The following NWD2 variants were observed in gnomAD, a reference collection of about 807,000 sequenced individuals.
NWD2 encodes the protein NACHT and WD repeat domain containing 2.
In NWD2, 37 loss-of-function variants were observed where a neutral mutation model predicts 132.7. The observed-to-expected ratio is 0.28, with a 90% CI of 0.21 to 0.37. NWD2 has a LOEUF of 0.37. Ranked by LOEUF, NWD2 falls within the 10% of genes least tolerant of loss-of-function variation. The pLI is 1.00. For synonymous variants in NWD2, 705 were observed against 803.0 expected, an observed-to-expected ratio of 0.88 and a Z score of 2.06; for missense variants, 1,592 against 2,122.4, an observed-to-expected ratio of 0.75 and a Z score of 4.91.
intron 1 of NWD2, among the ~76,000 whole-genome samples, chr4:37,257,758 G>T (rs545500529): frequency 1.9e-4 from 29 of 152,176 alleles, no homozygotes; most frequent in African/African-American, 6.5e-4. Flanking sequence ...TTAAAATGAT[G>T]ATTTAATTAC....
At chr4:37,250,899 G>A (rs1478227568) in intron 1 of NWD2, among the ~76,000 whole-genome samples, 5 of 152,200 alleles carry the variant, frequency 3.3e-5, no homozygotes. Context: ...AACCTGTATA[G>A]CATGTTATTG....
intron 1 of NWD2, among the ~76,000 whole-genome samples, chr4:37,265,591 C>T (rs1717733115): frequency 6.6e-6 from 1 of 152,004 alleles, no homozygotes; most frequent in Non-Finnish European, 1.5e-5. Context: ...TGGCTAATGG[C>T]CCCTTCCTCC....
intron 3 of NWD2, among the ~76,000 whole-genome samples, chr4:37,379,932 A>G (rs1265736788): frequency 6.6e-6 from 1 of 152,236 alleles, no homozygotes; most frequent in African/African-American, 2.4e-5. Flanking sequence ...TATTACATAT[A>G]TTAGCACTGG....
At chr4:37,270,669 CATTT>C (rs1168774888) in intron 1 of NWD2, among the ~76,000 whole-genome samples, 1 of 151,768 alleles carries the variant, frequency 6.6e-6, no homozygotes, top group Non-Finnish European at 1.5e-5. Context: ...GGGTGTGAGT[CATTT>C]GTCATATATA....
At chr4:37,363,182 A>C (rs1267510102) in intron 3 of NWD2, among the ~76,000 whole-genome samples, 1 of 152,184 alleles carries the variant, frequency 6.6e-6, no homozygotes, top group African/African-American at 2.4e-5. Context: ...TGTAGGGAAA[A>C]GGGAAAGATT....
chr4:37,322,304 A>G (rs1447681494), intron 1 of NWD2, among the ~76,000 whole-genome samples: 1 of 152,178 alleles, frequency 6.6e-6, no homozygotes, highest in Non-Finnish European at 1.5e-5. Context: ...AGGTAGTAGA[A>G]GGTGATTCAG....
chr4:37,253,320 A>G (rs1236125912), intron 1 of NWD2, among the ~76,000 whole-genome samples: 1 of 152,200 alleles, frequency 6.6e-6, no homozygotes, highest in East Asian at 1.9e-4. Context: ...ATGCATCCTA[A>G]TACTAAATAG....
At chr4:37,304,665 A>T (rs971256227) in intron 1 of NWD2, among the ~76,000 whole-genome samples, 1 of 152,212 alleles carries the variant, frequency 6.6e-6, no homozygotes, top group Non-Finnish European at 1.5e-5. Flanking sequence ...CAGTCATTAA[A>T]TCTTAAAGCC....
intron 1 of NWD2, among the ~76,000 whole-genome samples, chr4:37,261,836 T>C (rs984298237): frequency 2.6e-5 from 4 of 152,138 alleles, no homozygotes; most frequent in Non-Finnish European, 4.4e-5. Flanking sequence ...CGGGTGGTCA[T>C]AAAAGGTCTG....
rs1278254692 is a variant in NWD2 at position 37,291,794 on chromosome 4, T to TTA, written c.152-34137_152-34136dup. ...TAACTCACCTTTTCAATAAGACCAGTTATATACATCCACAAATATATGATA... is the reference window on the plus strand; with the variant it reads ...TAACTCACCTTTTCAATAAGACCAGTTATATATACATCCACAAATATATGATA... On this transcript the variant is annotated intron_variant, in intron 1 of 6. Coordinates refer to ENST00000309447, the MANE Select transcript of NWD2 (RefSeq NM_001144990.2). 2.0e-5 allele frequency among the ~76,000 whole-genome samples: 3 copies of TTA among 152,154 alleles called. No individual in the cohort carries two copies. The East Asian group carries it at 5.8e-4, about 29-fold the overall frequency.
chr4:37,419,484 T>A (rs1407748709), intron 3 of NWD2, among the ~76,000 whole-genome samples: 1 of 151,938 alleles, frequency 6.6e-6, no homozygotes, highest in Non-Finnish European at 1.5e-5. Context: ...TGGGAGAAAA[T>A]TTTTGCAATC....
Position 37,443,880 on chromosome 4 carries a change from A to T in NWD2, c.1892A>T (p.Glu631Val). 6.4e-7 allele frequency: 1 copy of T among 1,552,340 alleles called. No individual in the cohort carries two copies. The highest frequency in any genetic ancestry group is 8.7e-7 in the Non-Finnish European group (1 of 1,147,140). The change falls in exon 7 of 7, where the codon GAA (glutamate) becomes GTA (valine). Residue 631 changes from glutamate (E) to valine (V), a missense_variant. Physicochemically the swap from Glu to Val is moderately radical, Grantham distance 121. This residue lies in a region of NWD2 where 1,071 missense variants were observed against 1,398.0 expected (regional missense o/e 0.77). Coordinates refer to ENST00000309447, the MANE Select transcript of NWD2 (RefSeq NM_001144990.2). The surrounding 1 kb of genome is among the most constrained non-coding windows in gnomAD (Gnocchi z 4.1). ...TGGAGATCTCACAAAGACGTCGATGAATCCTCCCTCTCTGTCACCGTTCAT... is the reference window on the plus strand; with the variant it reads ...TGGAGATCTCACAAAGACGTCGATGTATCCTCCCTCTCTGTCACCGTTCAT... ...RHWRSHKDVD[E>V]SSLSVTVHES...
chr4:37,398,323 C>G (rs894512175), intron 3 of NWD2, among the ~76,000 whole-genome samples: 9 of 152,116 alleles, frequency 5.9e-5, no homozygotes, highest in African/African-American at 1.9e-4. Flanking sequence ...AGCTGGAAAC[C>G]ATCATCCTCA....
chr4:37,360,461 A>G (rs1035679661), intron 3 of NWD2, among the ~76,000 whole-genome samples: 1 of 152,214 alleles, frequency 6.6e-6, no homozygotes, highest in African/African-American at 2.4e-5. Flanking sequence ...TGTAAAATGC[A>G]TATGGTACAT....
intron 4 of NWD2, 91 bp downstream of exon 4, chr4:37,430,866 C>A: frequency 1.8e-6 from 2 of 1,130,886 alleles, no homozygotes; most frequent in Non-Finnish European, 2.5e-6. Flanking sequence ...ACAGAAAAGG[C>A]AGAGTAGACA....
chr4:37,248,000 G>A (rs1050099890), intron 1 of NWD2, among the ~76,000 whole-genome samples: 9 of 152,184 alleles, frequency 5.9e-5, no homozygotes, highest in Non-Finnish European at 1.2e-4. Flanking sequence ...ACAACCCTCT[G>A]AGGGTAGTGG....
intron 3 of NWD2, among the ~76,000 whole-genome samples, chr4:37,403,264 G>A (rs1720932408): frequency 6.6e-6 from 1 of 152,154 alleles, no homozygotes; most frequent in South Asian, 2.1e-4. Context: ...AAAGAAACAT[G>A]ATAAACAAGA....
At position 37,249,192 on chromosome 4, in the gene NWD2, G is replaced by A. The variant is rs544750769; in HGVS notation, c.151+3974G>A. Among the ~76,000 whole-genome samples the A allele has an allele frequency of 9.2e-5, 14 of 152,326 alleles. No individual in the cohort carries two copies. In the South Asian group the frequency reaches 2.1e-3, roughly 23 times the overall value. ...TGTATCAGATAGCAAAGCTCCAAGAGGAGTGATACAGATTTTAAGTAGCTT... is the reference window on the plus strand; with the variant it reads ...TGTATCAGATAGCAAAGCTCCAAGAAGAGTGATACAGATTTTAAGTAGCTT... On this transcript the variant is annotated intron_variant, in intron 1 of 6. Transcript: ENST00000309447.
chr4:37,380,921 C>T (rs966126867), intron 3 of NWD2, among the ~76,000 whole-genome samples: 1 of 152,168 alleles, frequency 6.6e-6, no homozygotes, highest in Non-Finnish European at 1.5e-5. Flanking sequence ...AGGAAATGCT[C>T]TTCTTTCTCC....
Sources: allele counts gnomAD v4.1 joint callset (sites outside exome capture counted in the v4.1 genomes callset), GRCh38; gene constraint gnomAD v4.1.1; regional missense constraint gnomAD v4.1.1; non-coding constraint Gnocchi (gnomAD v3.1); transcripts MANE v1.5; gene names NCBI Gene and HGNC (gene_info 2026-07-23, HGNC 2026-07-21).